Variants in CD200 observed in about 807,000 individuals in gnomAD.
The protein encoded by CD200 is OX-2 membrane glycoprotein.
In CD200, 15 loss-of-function variants were observed where a neutral mutation model predicts 30.9. The observed-to-expected ratio is 0.49, with a 90% CI of 0.32 to 0.75. The LOEUF (loss-of-function observed/expected upper bound fraction) is 0.75. Ranked by LOEUF, CD200 falls within the 30% of genes least tolerant of loss-of-function variation. CD200 has a pLI of 0.03. For synonymous variants in CD200, 134 were observed against 126.2 expected, an observed-to-expected ratio of 1.06 and a Z score of -0.41; for missense variants, 262 against 324.2, an observed-to-expected ratio of 0.81 and a Z score of 1.47.
At chr3:112,332,972 G>A, upstream of CD200, 3 of 587,506 alleles carry the variant, frequency 5.1e-6, no homozygotes, top group South Asian at 6.2e-5. Flanking sequence ...GGTCACCTTT[G>A]AAAAGGGAAA....
At chr3:112,339,373 G>A (rs755448149) in intron 1 of CD200, among the ~76,000 whole-genome samples, 2 of 152,214 alleles carry the variant, frequency 1.3e-5, no homozygotes, top group African/African-American at 4.8e-5. Flanking sequence ...ATGCTAGAAA[G>A]GGTTGATTGG....
intron 1 of CD200, among the ~76,000 whole-genome samples, chr3:112,337,523 G>T (rs1248034819): frequency 2.0e-5 from 3 of 152,158 alleles, no homozygotes; most frequent in African/African-American, 7.2e-5. Context: ...AACAGGCTAA[G>T]AACTTTGAAC....
At chr3:112,358,580 G>A (rs181708876) in intron 5 of CD200, among the ~76,000 whole-genome samples, 2 of 152,290 alleles carry the variant, frequency 1.3e-5, no homozygotes, top group African/African-American at 4.8e-5. Context: ...AAGCTAGTGC[G>A]AGTCAAGGGT....
At position 112,342,325 on chromosome 3, in the gene CD200, CTTTCTTTCTTTCCTTCT is replaced by C. The variant is rs1559783029; in HGVS notation, c.94+1345_94+1361del. ...TCCTTCCTTTCTTCTTTCTTTCTTT[CTTTCTTTCTTTCCTTCT>C]TTCTTTCTTTCTTTCTTTCTTTCTT... On this transcript the variant is annotated intron_variant, in intron 2 of 5. Transcript: ENST00000315711. Among the ~76,000 whole-genome samples, 249 of 26,064 alleles carry C rather than the reference CTTTCTTTCTTTCCTTCT, an allele frequency of 9.6e-3. 41 individuals carry two copies. Among genetic ancestry groups the C allele is most frequent in the African/African-American group, 0.012 (68 of 5,712 alleles). The allele number at this position is 26,064 out of a possible 152,430, so 17.1% of individuals were successfully genotyped here. A position where few individuals can be genotyped will look rare whatever the true frequency, so the allele number is the denominator to read the frequency against.
intron 5 of CD200, among the ~76,000 whole-genome samples, chr3:112,356,979 T>C (rs908940338): frequency 6.6e-6 from 1 of 152,150 alleles, no homozygotes; most frequent in East Asian, 1.9e-4. Flanking sequence ...AAGTGCCTAA[T>C]GGCCGGGCGC....
At chr3:112,356,489 G>A (rs1053812180) in intron 5 of CD200, among the ~76,000 whole-genome samples, 12 of 151,966 alleles carry the variant, frequency 7.9e-5, no homozygotes, top group African/African-American at 2.9e-4. Flanking sequence ...TTTTTTTGTG[G>A]TATGAACACA....
At position 112,361,670 on chromosome 3, in the gene CD200, G is replaced by A. The variant is rs939015013; in HGVS notation, c.*120G>A. On this transcript the variant is annotated 3_prime_UTR_variant, in exon 6 of 6. Coordinates refer to ENST00000315711, the MANE Select transcript of CD200 (RefSeq NM_005944.7). ...CTGAAAGAGCAAAAGAGGTGGGAGC[G>A]AAAGCCTTAAGGATCCCACGACTTT... 15 of 929,634 alleles carry A rather than the reference G, an allele frequency of 1.6e-5. No homozygotes were observed. The highest frequency in any genetic ancestry group is 1.5e-4 in the African/African-American group (9 of 60,994). 57.6% of individuals were successfully genotyped at this position (929,634 alleles called of 1,614,324 possible). A position where few individuals can be genotyped will look rare whatever the true frequency, so the allele number is the denominator to read the frequency against.
intron 1 of CD200, 73 bp from the exon 2 acceptor site, chr3:112,340,829 C>T (rs1002714021): frequency 2.0e-6 from 2 of 987,516 alleles, no homozygotes; most frequent in East Asian, 2.4e-5. Context: ...CCTGAAATAG[C>T]GATTAGATTG....
chr3:112,343,066 C>G (rs919959197), intron 2 of CD200, among the ~76,000 whole-genome samples: 3 of 151,808 alleles, frequency 2.0e-5, no homozygotes, highest in African/African-American at 7.3e-5. Context: ...TATTATTTCT[C>G]TTTCATTGTA....
chr3:112,352,975 A>C (rs1230791820), intron 5 of CD200, among the ~76,000 whole-genome samples: 1 of 152,212 alleles, frequency 6.6e-6, no homozygotes, highest in Non-Finnish European at 1.5e-5. Flanking sequence ...AGACTACCAC[A>C]GTAAGACTAA....
intron 5 of CD200, among the ~76,000 whole-genome samples, chr3:112,353,552 G>A (rs370291134): frequency 6.6e-5 from 10 of 152,178 alleles, no homozygotes; most frequent in Admixed American, 3.3e-4. Context: ...TTAATAAAAC[G>A]TCATTTCCTG....
intron 5 of CD200, among the ~76,000 whole-genome samples, chr3:112,359,240 CT>C (rs534101463): frequency 6.6e-6 from 1 of 151,812 alleles, no homozygotes; most frequent in East Asian, 1.9e-4. Flanking sequence ...AATTTAAGAG[CT>C]TTTTTTAAAA....
intron 1 of CD200, chr3:112,336,077 A>T: frequency 9.3e-7 from 1 of 1,076,044 alleles, no homozygotes; most frequent in Non-Finnish European, 1.4e-6. Context: ...GCTAGAGGAA[A>T]AATGAAGCTT....
chr3:112,336,055 G>T, intron 1 of CD200: 2 of 1,308,720 alleles, frequency 1.5e-6, no homozygotes, highest in Non-Finnish European at 1.1e-6. Flanking sequence ...GACTTGGTTA[G>T]TAACTTCTCT....
At chr3:112,334,153 A>G (rs1488701011) in intron 1 of CD200, 1 of 985,138 alleles carries the variant, frequency 1.0e-6, no homozygotes, top group African/African-American at 1.7e-5. Flanking sequence ...AAAATGAATT[A>G]TTACCTCGTT....
At chr3:112,360,497 T>C (rs2081719742) in intron 5 of CD200, among the ~76,000 whole-genome samples, 1 of 152,202 alleles carries the variant, frequency 6.6e-6, no homozygotes, top group East Asian at 1.9e-4. Context: ...TAATTTTATA[T>C]CTGTTAAATC....
intron 1 of CD200, chr3:112,334,031 A>G (rs995910402): frequency 1.3e-5 from 13 of 985,296 alleles, no homozygotes; most frequent in African/African-American, 1.7e-5. Context: ...TGTTGGCAAG[A>G]CCACATAGCC....
chr3:112,337,475 A>G (rs763853101), intron 1 of CD200, among the ~76,000 whole-genome samples: 1 of 152,150 alleles, frequency 6.6e-6, no homozygotes, highest in Non-Finnish European at 1.5e-5. Context: ...GGGAGGGGAT[A>G]CATAGGAAGG....
chr3:112,335,868 G>A (rs1168680160), intron 1 of CD200: 2 of 1,023,328 alleles, frequency 2.0e-6, no homozygotes, highest in Non-Finnish European at 3.1e-6. Flanking sequence ...CCACCTCCAG[G>A]GTACAAGTTG....
Sources: gnomAD v4.1 joint callset for allele counts (sites outside exome capture counted in the v4.1 genomes callset) on GRCh38, gnomAD v4.1.1 for gene constraint, MANE v1.5 for transcripts, NCBI Gene and HGNC (gene_info 2026-07-23, HGNC 2026-07-21) for gene names.